Variants in CWF19L2 observed in about 807,000 individuals in gnomAD.
The protein encoded by CWF19L2 is CWF19-like protein 2.
CWF19L2 carries 98 observed loss-of-function variants against 111.7 expected under a neutral mutation model. That is an observed-to-expected ratio of 0.88 (90% CI 0.75 to 1.04). The LOEUF is 1.04. Ranked by LOEUF, CWF19L2 falls within the 50% of genes least tolerant of loss-of-function variation. The pLI is 0.00. For missense variants in CWF19L2, 1,101 were observed against 1,051.4 expected (o/e 1.05, Z -0.65); for synonymous variants, 351 against 342.9 (o/e 1.02, Z -0.26).
intron 7 of CWF19L2, among the ~76,000 whole-genome samples, chr11:107,433,237 T>C (rs1264892715): frequency 6.6e-6 from 1 of 152,156 alleles, no homozygotes; most frequent in Non-Finnish European, 1.5e-5. Flanking sequence ...ACAGTTTCAT[T>C]GTTTTAAGAG....
intron 4 of CWF19L2, 138 bp from the exon 5 acceptor site, chr11:107,441,760 A>G: frequency 2.6e-6 from 2 of 770,530 alleles, no homozygotes; most frequent in Non-Finnish European, 1.9e-6. Context: ...CTACATGGCT[A>G]TATAACTTGA....
At chr11:107,399,291 G>C (rs1055964524) in intron 10 of CWF19L2, among the ~76,000 whole-genome samples, 27 of 152,124 alleles carry the variant, frequency 1.8e-4, no homozygotes, top group Admixed American at 1.4e-3. Context: ...GAATGGATAA[G>C]AACTCACCAA....
intron 13 of CWF19L2, among the ~76,000 whole-genome samples, chr11:107,353,210 C>A (rs1860182806): frequency 6.6e-6 from 1 of 152,154 alleles, no homozygotes; most frequent in East Asian, 1.9e-4. Flanking sequence ...AAGTCTGAGT[C>A]TCAACTTTTC....
chr11:107,407,607 A>C (rs1861098041), intron 10 of CWF19L2, among the ~76,000 whole-genome samples: 1 of 148,210 alleles, frequency 6.7e-6, no homozygotes, highest in Non-Finnish European at 1.5e-5. Flanking sequence ...ATTTGAGGGA[A>C]TAGAAGCAAA....
intron 10 of CWF19L2, chr11:107,403,591 T>C (rs1404108276): frequency 3.8e-6 from 3 of 786,640 alleles, no homozygotes; most frequent in East Asian, 4.9e-5. Context: ...CTGTCGTTTC[T>C]TCAAGGTGTG....
chr11:107,328,351 A>G (rs1859793922), intron 17 of CWF19L2, among the ~76,000 whole-genome samples: 1 of 152,130 alleles, frequency 6.6e-6, no homozygotes, highest in Admixed American at 6.6e-5. Context: ...ATAAAAGTTT[A>G]CCTAAAATTG....
intron 12 of CWF19L2, among the ~76,000 whole-genome samples, chr11:107,360,700 C>G (rs1860314968): frequency 1.3e-5 from 2 of 152,196 alleles, no homozygotes; most frequent in Non-Finnish European, 1.5e-5. Flanking sequence ...ACGATAATAT[C>G]TCACTGTGGT....
rs1266175494 is a variant in CWF19L2 at position 107,444,777 on chromosome 11, C to T, written c.340-1728G>A. On this transcript the variant is annotated intron_variant, in intron 3 of 17. Coordinates refer to ENST00000282251, the MANE Select transcript of CWF19L2 (RefSeq NM_152434.3). Reference sequence around the variant, plus strand: ...TGAGTTATCTGGAACAACCAACCACCCACTTAAACCAAGTCAGAAACTCAG... The same window carrying T: ...TGAGTTATCTGGAACAACCAACCACTCACTTAAACCAAGTCAGAAACTCAG... Among the ~76,000 whole-genome samples, 4 of 152,134 alleles carry T rather than the reference C, an allele frequency of 2.6e-5. No homozygotes were observed. In the East Asian group the frequency reaches 7.7e-4, roughly 29 times the overall value.
Position 107,455,693 on chromosome 11 carries a change from C to T in CWF19L2, c.189G>A (p.Val63=). 6.5e-7 allele frequency: 1 copy of T among 1,549,866 alleles called. No individual in the cohort carries two copies. The change falls in exon 2 of 18, where the codon GTG becomes GTA. Residue 63 remains valine (V), a synonymous_variant. Coordinates refer to ENST00000282251, the MANE Select transcript of CWF19L2 (RefSeq NM_152434.3). ...RGEDTWMLPD[V]NERIEQFSQE... ...GTGAGAACTGTTCAATTCTCTCATT[C>T]ACATCAGGTAGCATCCATGTATCCT...
chr11:107,350,929 C>G (rs999083834), intron 13 of CWF19L2, among the ~76,000 whole-genome samples: 2 of 152,148 alleles, frequency 1.3e-5, no homozygotes, highest in African/African-American at 4.8e-5. Flanking sequence ...TCCAGCTTGT[C>G]AGACAGCCAG....
At chr11:107,361,690 C>T (rs947420808) in intron 12 of CWF19L2, among the ~76,000 whole-genome samples, 6 of 152,208 alleles carry the variant, frequency 3.9e-5, no homozygotes, top group Non-Finnish European at 8.8e-5. Context: ...AGATCTTTCA[C>T]CTCCTTGGTT....
In CWF19L2 at chr11:107,418,273, T is replaced by C. The variant is rs766949387; in HGVS notation, c.1448A>G (p.Glu483Gly). ...ATCAACACTCAGGATGTGAATGGAC[T>C]CACGCTCTGGACTGCTATTGGAATA... ...KSTFAGSPER[E>G]SIHILSVDEK... is the part of the protein sequence containing the mutation. Residue 483 changes from glutamate to glycine, a missense_variant, in exon 9 of 18, where the codon GAG becomes GGG. By Grantham distance (98) the Glu-to-Gly change is moderately conservative (BLOSUM62 -2). Transcript: ENST00000282251. 5.6e-6 allele frequency: 9 copies of C among 1,611,516 alleles called. No homozygotes were observed. The highest frequency in any genetic ancestry group is 7.6e-6 in the Non-Finnish European group (9 of 1,177,656).
chr11:107,346,561 A>C (rs1229073897), intron 14 of CWF19L2, among the ~76,000 whole-genome samples: 5 of 152,200 alleles, frequency 3.3e-5, no homozygotes, highest in African/African-American at 9.7e-5. Context: ...AGCACCAAGT[A>C]CTTATGGACG....
At chr11:107,354,234 G>C (rs546025) in intron 12 of CWF19L2, among the ~76,000 whole-genome samples, 120,480 of 151,984 alleles carry the variant, frequency 0.79, 48,496 homozygotes, top group African/African-American at 0.94. Flanking sequence ...TCCTTAGGTA[G>C]TTATGAGAGT....
At chr11:107,369,030 C>A (rs1860472474) in intron 12 of CWF19L2, among the ~76,000 whole-genome samples, 1 of 137,706 alleles carries the variant, frequency 7.3e-6, no homozygotes, top group East Asian at 2.1e-4. Flanking sequence ...CCTGGAAACA[C>A]AACCTCCCAA....
At chr11:107,439,361 T>C (rs1861588532) in intron 5 of CWF19L2, among the ~76,000 whole-genome samples, 178 bp from the exon 6 acceptor site, 1 of 152,246 alleles carries the variant, frequency 6.6e-6, no homozygotes, top group Non-Finnish European at 1.5e-5. Flanking sequence ...ATTCATTCAA[T>C]GTTCTTATTT....
chr11:107,376,377 C>G (rs1860599871), intron 12 of CWF19L2, among the ~76,000 whole-genome samples: 1 of 93,354 alleles, frequency 1.1e-5, no homozygotes, highest in Non-Finnish European at 2.0e-5. Flanking sequence ...AAAATACTGG[C>G]AAAACGAATC....
chr11:107,359,227 C>T (rs563385750), intron 12 of CWF19L2, among the ~76,000 whole-genome samples: 4 of 152,316 alleles, frequency 2.6e-5, no homozygotes, highest in South Asian at 2.1e-4. Flanking sequence ...TACAACAGGC[C>T]GCTTCCATCC....
intron 8 of CWF19L2, among the ~76,000 whole-genome samples, chr11:107,428,398 T>C (rs1861410554): frequency 2.6e-5 from 4 of 152,140 alleles, no homozygotes; most frequent in Admixed American, 2.6e-4. Context: ...TTTTGTCTCC[T>C]AGACTTCCTA....
Sources: allele counts gnomAD v4.1 joint callset (sites outside exome capture counted in the v4.1 genomes callset), GRCh38; gene constraint gnomAD v4.1.1; transcripts MANE v1.5; gene names NCBI Gene and HGNC (gene_info 2026-07-23, HGNC 2026-07-21).